The following BRAP variants were observed in gnomAD, a reference collection of about 807,000 sequenced individuals.
The protein encoded by BRAP is BRCA1-associated protein.
In BRAP, 42 loss-of-function variants were observed where a neutral mutation model predicts 73.4. That is an observed-to-expected ratio of 0.57 (90% CI 0.45 to 0.74). The LOEUF is 0.74. Among genes scored for constraint, BRAP ranks in the 30% least tolerant of loss-of-function variants. BRAP has a pLI of 0.00. For synonymous variants in BRAP, 255 were observed against 267.4 expected, an observed-to-expected ratio of 0.95 and a Z score of 0.45; for missense variants, 593 against 751.4, an observed-to-expected ratio of 0.79 and a Z score of 2.46.
Position 111,685,860 on chromosome 12 carries a change from G to A in BRAP, c.-68C>T, listed in dbSNP as rs1887816247. 1.6e-6 allele frequency: 2 copies of A among 1,239,202 alleles called. No homozygotes were observed. The highest frequency in any genetic ancestry group is 2.1e-6 in the Non-Finnish European group (2 of 950,696). The allele number at this position is 1,239,202 out of a possible 1,614,324, so 76.8% of individuals were successfully genotyped here. A position where few individuals can be genotyped will look rare whatever the true frequency, so the allele number is the denominator to read the frequency against. On this transcript the variant is annotated 5_prime_UTR_variant, in exon 1 of 12. Transcript: ENST00000419234. ...AGGCTGGAAGGCGAGCCGAGAGGCC[G>A]AGCGGCCCGGGGCCGGCAGCGCCGC...
intron 6 of BRAP, among the ~76,000 whole-genome samples, chr12:111,662,035 T>A (rs1886775196): frequency 6.6e-6 from 1 of 152,132 alleles, no homozygotes; most frequent in Non-Finnish European, 1.5e-5. Flanking sequence ...ACCGTGAACA[T>A]CATGTGGAAG....
intron 4 of BRAP, among the ~76,000 whole-genome samples, chr12:111,674,239 T>C (rs1413468398): frequency 5.9e-5 from 9 of 151,936 alleles, no homozygotes; most frequent in East Asian, 1.9e-4. Context: ...TTACTTATGC[T>C]TCCCCCCCAC....
chr12:111,668,935 G>C (rs1887064750), intron 5 of BRAP, among the ~76,000 whole-genome samples: 1 of 152,114 alleles, frequency 6.6e-6, no homozygotes, highest in African/African-American at 2.4e-5. Context: ...TTACAGGCGT[G>C]AGCCACTGCG....
chr12:111,645,648 C>T lies in BRAP; in HGVS notation c.1416-1086G>A, dbSNP rs1241225457. Among the ~76,000 whole-genome samples, 6 of 152,086 alleles carry T rather than the reference C, an allele frequency of 3.9e-5. No individual in the cohort carries two copies. In the South Asian group the frequency reaches 1.0e-3, roughly 26 times the overall value. ...CTTGGGAGTGCCCTATTCTTGATGT[C>T]CAGTCTTACTCATAAGTAAAGAATT... is the stretch of plus-strand genomic sequence containing the variant. On this transcript the variant is annotated intron_variant, in intron 11 of 11. Transcript: ENST00000419234.
At chr12:111,671,183 A>G (rs1887156974) in intron 5 of BRAP, among the ~76,000 whole-genome samples, 2 of 152,176 alleles carry the variant, frequency 1.3e-5, no homozygotes, top group Non-Finnish European at 2.9e-5. Context: ...TTACAAAATG[A>G]TTCCAGTGAC....
rs1886035188 is a variant in BRAP at position 111,644,547 on chromosome 12, G to A, written c.1431C>T (p.Asn477=). The change falls in exon 12 of 12, where the codon AAC becomes AAT. Residue 477 remains asparagine (N), a synonymous_variant. Transcript: ENST00000419234. ...CGTTGGTGAGTTTGGCCACTTTTGT[G>A]TTTAGCTGAGTGCACCTTTTGAAAA... ...QSVERKCTQL[N]TKVAKLTNEL... The A allele has an allele frequency of 1.2e-6, 2 of 1,612,400 alleles. No individual in the cohort carries two copies. The highest frequency in any genetic ancestry group is 8.5e-7 in the Non-Finnish European group (1 of 1,178,736).
intron 11 of BRAP, among the ~76,000 whole-genome samples, chr12:111,645,984 T>C (rs1354907329): frequency 6.6e-6 from 1 of 151,908 alleles, no homozygotes; most frequent in Non-Finnish European, 1.5e-5. Context: ...AACGAGATCT[T>C]GTCTCAAACA....
chr12:111,685,939 C>T lies in BRAP; in HGVS notation c.-147G>A. The T allele has an allele frequency of 1.1e-5, 5 of 439,332 alleles. No individual in the cohort carries two copies. Among genetic ancestry groups the T allele is most frequent in the East Asian group, 7.7e-5 (2 of 25,844 alleles). The allele number at this position is 439,332 out of a possible 1,614,324, so 27.2% of individuals were successfully genotyped here. On this transcript the variant is annotated 5_prime_UTR_variant, in exon 1 of 12. Coordinates refer to ENST00000419234, the MANE Select transcript of BRAP (RefSeq NM_006768.5). ...CAGCAGCAGCAGCTCCTCGAACAGC[C>T]CTCGGAGCCACAACAACCTCCACTT... is the stretch of plus-strand genomic sequence containing the variant.
At chr12:111,660,964 C>T (rs1566117321) in intron 6 of BRAP, among the ~76,000 whole-genome samples, 1 of 151,820 alleles carries the variant, frequency 6.6e-6, no homozygotes, top group Non-Finnish European at 1.5e-5. Flanking sequence ...GACTTCATTT[C>T]ATGTCTGATT....
intron 1 of BRAP, among the ~76,000 whole-genome samples, chr12:111,683,698 G>A (rs1284772701): frequency 3.9e-5 from 6 of 152,026 alleles, no homozygotes; most frequent in African/African-American, 1.2e-4. Flanking sequence ...GTGCCACCAC[G>A]CCCAGCTAAT....
At chr12:111,672,815 A>G (rs1206760406) in intron 4 of BRAP, 41 bp from the exon 5 acceptor site, 1 of 1,507,024 alleles carries the variant, frequency 6.6e-7, no homozygotes, top group African/African-American at 1.4e-5. Context: ...ATTAAGACAG[A>G]TACCCTGAAA....
chr12:111,647,723 C>T (rs1235440639), intron 11 of BRAP, among the ~76,000 whole-genome samples: 7 of 151,968 alleles, frequency 4.6e-5, no homozygotes, highest in African/African-American at 1.7e-4. Context: ...TGGAGAAACC[C>T]TGTTTCTACT....
At chr12:111,664,344 A>G (rs142605610) in intron 6 of BRAP, among the ~76,000 whole-genome samples, 1,600 of 152,258 alleles carry the variant, frequency 0.011, 11 homozygotes, top group South Asian at 0.014. Context: ...AAAAAAAGTA[A>G]AACTGGAGTG....
rs772808924 is a variant in BRAP, at chr12:111,685,720, T to C, written c.73A>G (p.Ser25Gly). 6.2e-7 allele frequency: 1 copy of C among 1,606,208 alleles called. No homozygotes were observed. The highest frequency in any genetic ancestry group is 1.3e-5 in the African/African-American group (1 of 74,912). ...AGGCCGCGGGACTCACCCGCGGCGCTGAAGCCGAAGCCGGCGGGGACAGGC... is the reference window on the plus strand; with the variant it reads ...AGGCCGCGGGACTCACCCGCGGCGCCGAAGCCGAAGCCGGCGGGGACAGGC... ...HSPVPAGFGF[S>G]AAAGEMSDEE... The change falls in exon 1 of 12, where the codon AGC (serine) becomes GGC (glycine). Residue 25 changes from serine to glycine, a missense_variant. By Grantham distance (56) the Ser-to-Gly change is moderately conservative. Coordinates refer to ENST00000419234, the MANE Select transcript of BRAP (RefSeq NM_006768.5).
chr12:111,667,084 T>C (rs1886972844), intron 5 of BRAP, among the ~76,000 whole-genome samples: 1 of 152,210 alleles, frequency 6.6e-6, no homozygotes, highest in South Asian at 2.1e-4. Flanking sequence ...CAAAAATTGA[T>C]AGTTTGCCTA....
chr12:111,684,680 T>G (rs375406292), intron 1 of BRAP, among the ~76,000 whole-genome samples: 4 of 152,248 alleles, frequency 2.6e-5, no homozygotes, highest in South Asian at 4.1e-4. Flanking sequence ...TTTTGTTTTT[T>G]TTTTTGAAAT....
chr12:111,670,927 C>T (rs571408144), intron 5 of BRAP, among the ~76,000 whole-genome samples: 1 of 152,080 alleles, frequency 6.6e-6, no homozygotes, highest in South Asian at 2.1e-4. Flanking sequence ...TGGCAAAACC[C>T]CATCTCTACT....
Position 111,644,410 on chromosome 12 carries a change from T to C in BRAP, c.1568A>G (p.Asp523Gly), listed in dbSNP as rs1210702983. 1 of 1,614,112 alleles carries C rather than the reference T, an allele frequency of 6.2e-7. No individual in the cohort carries two copies. Among genetic ancestry groups the C allele is most frequent in the African/African-American group, 1.3e-5 (1 of 75,036 alleles). The change falls in exon 12 of 12, where the codon GAT (aspartate) becomes GGT (glycine). Residue 523 changes from aspartate to glycine, a missense_variant. Physicochemically the swap from Asp to Gly is moderately conservative, Grantham distance 94. Around this residue, in one of 4 missense-constraint regions of BRAP, gnomAD observed 143 missense variants for 190.4 expected, o/e 0.75. Coordinates refer to ENST00000419234, the MANE Select transcript of BRAP (RefSeq NM_006768.5). ...CTCCTGGATCTCGGTGATCTGCAGA[T>C]CTTTTTGGTCACAGGTCTCCTTCAG... ...RVLKETCDQK[D>G]LQITEIQEQL... is the part of the protein sequence containing the mutation.
intron 5 of BRAP, among the ~76,000 whole-genome samples, chr12:111,666,826 A>C (rs1165635889): frequency 4.6e-5 from 7 of 152,202 alleles, no homozygotes; most frequent in Admixed American, 4.6e-4. Context: ...ACTTACAGGA[A>C]ATCTCTCAAG....
Sources: allele counts gnomAD v4.1 joint callset (sites outside exome capture counted in the v4.1 genomes callset), GRCh38; gene constraint gnomAD v4.1.1; regional missense constraint gnomAD v4.1.1; transcripts MANE v1.5; gene names NCBI Gene and HGNC (gene_info 2026-07-23, HGNC 2026-07-21).